The following TIAM2 variants were observed in gnomAD, a reference collection of about 807,000 sequenced individuals.
TIAM2 encodes the protein TIAM Rac1 associated GEF 2, also known as rho guanine nucleotide exchange factor TIAM2.
In TIAM2, 80 loss-of-function variants were observed where a neutral mutation model predicts 152.9. The observed-to-expected ratio is 0.52, with a 90% CI of 0.44 to 0.63. The LOEUF is 0.63. TIAM2 is among the 30% of genes least tolerant of loss of function. The pLI is 0.00. For synonymous variants in TIAM2, 804 were observed against 838.0 expected (o/e 0.96, Z 0.70); for missense variants, 1,965 against 2,120.1 (o/e 0.93, Z 1.44).
chr6:155,168,926 G>T (rs755253977), intron 9 of TIAM2: 1 of 1,525,848 alleles, frequency 6.6e-7, no homozygotes, highest in South Asian at 1.2e-5. Context: ...GGTAAACTTT[G>T]CTATAGATGG....
rs1284467530 is a variant in TIAM2 at position 155,174,347 on chromosome 6, T to C, written c.2362-2469T>C. 1.3e-5 allele frequency among the ~76,000 whole-genome samples: 2 copies of C among 152,070 alleles called. No individual in the cohort carries two copies. The highest frequency in any genetic ancestry group is 1.3e-4 in the Admixed American group (2 of 15,262). On this transcript the variant is annotated intron_variant, in intron 9 of 26. Transcript: ENST00000682666. The surrounding 1 kb of genome is among the most constrained non-coding windows in gnomAD (Gnocchi z 4.2). ...GTGAACTGATGGCACATCAGGAGCT[T>C]GTTTCATTTGGTCTCACGAGATGCA...
intron 15 of TIAM2, among the ~76,000 whole-genome samples, chr6:155,236,664 A>G (rs569246347): frequency 6.6e-6 from 1 of 152,280 alleles, no homozygotes; most frequent in East Asian, 1.9e-4. Context: ...CTCTGTCTCA[A>G]AAAAATAAAA....
chr6:155,183,078 C>A (rs187334543), intron 13 of TIAM2, among the ~76,000 whole-genome samples, 159 bp from the exon 14 acceptor site: 2 of 152,358 alleles, frequency 1.3e-5, no homozygotes, highest in African/African-American at 2.4e-5. Context: ...GGACTACAGG[C>A]ACCTGCCACT....
intron 1 of TIAM2, chr6:155,013,954 C>T (rs1349228048): frequency 1.5e-5 from 1 of 68,172 alleles, no homozygotes; most frequent in Admixed American, 1.2e-4. Flanking sequence ...ACACACACAC[C>T]TGAGATGGGG....
intron 1 of TIAM2, among the ~76,000 whole-genome samples, chr6:155,078,172 G>A (rs1777995970): frequency 6.6e-6 from 1 of 151,988 alleles, no homozygotes; most frequent in South Asian, 2.1e-4. Context: ...AGCCTCCCAA[G>A]TAGCTAGGAC....
At position 155,183,099 on chromosome 6, in the gene TIAM2, G is replaced by A. The variant is rs542653538; in HGVS notation, c.2801-138G>A. The A allele has an allele frequency of 2.5e-4, 278 of 1,098,872 alleles. No individual in the cohort carries two copies. In the African/African-American group the frequency reaches 4.1e-3, roughly 16 times the overall value. 68.1% of individuals were successfully genotyped at this position (1,098,872 alleles called of 1,614,324 possible). A position where few individuals can be genotyped will look rare whatever the true frequency, so the allele number is the denominator to read the frequency against. ...CAGGCACCTGCCACTGTGCCTGGCT[G>A]GCACTTTCTTTGAAGAAAGCAACAA... On this transcript the variant is annotated intron_variant, in intron 13 of 26. Transcript: ENST00000682666.
At chr6:155,029,547 T>C (rs1562295316) in intron 1 of TIAM2, among the ~76,000 whole-genome samples, 1 of 53,370 alleles carries the variant, frequency 1.9e-5, no homozygotes, top group East Asian at 3.1e-4. Flanking sequence ...ATATATATTA[T>C]GTAGTATAAA....
At chr6:155,020,961 A>G (rs1342554522) in intron 1 of TIAM2, among the ~76,000 whole-genome samples, 9 of 152,166 alleles carry the variant, frequency 5.9e-5, no homozygotes, top group African/African-American at 2.4e-5. Flanking sequence ...GGCACCTCAT[A>G]TAAGTGGAAT....
rs140313288 is a variant in TIAM2, at chr6:155,043,495, A to T, written c.-208-46794A>T. Among the ~76,000 whole-genome samples the T allele has an allele frequency of 9.1e-4, 138 of 152,032 alleles. 3 individuals carry two copies. Among genetic ancestry groups the T allele is most frequent in the African/African-American group, 3.0e-3 (126 of 41,466 alleles). ...AGAAACAAAACAAACTTAGCCAGGC[A>T]TGGTGGTGCGTACCTGTAATGCTGT... is the stretch of plus-strand genomic sequence containing the variant. On this transcript the variant is annotated intron_variant, in intron 1 of 26. Transcript: ENST00000682666.
At chr6:155,111,161 A>T (rs957668973) in intron 2 of TIAM2, among the ~76,000 whole-genome samples, 4 of 152,190 alleles carry the variant, frequency 2.6e-5, no homozygotes, top group Non-Finnish European at 5.9e-5. Context: ...CACCCCTGGA[A>T]GGTGGAAAAA....
At chr6:155,085,913 A>G (rs1364184368) in intron 1 of TIAM2, among the ~76,000 whole-genome samples, 2 of 152,222 alleles carry the variant, frequency 1.3e-5, no homozygotes, top group Non-Finnish European at 2.9e-5. Context: ...TATTATAGAT[A>G]TAGTTTACCT....
chr6:155,037,845 T>C (rs1193244148), intron 1 of TIAM2, among the ~76,000 whole-genome samples: 1 of 152,168 alleles, frequency 6.6e-6, no homozygotes, highest in Non-Finnish European at 1.5e-5. Flanking sequence ...AGCTTGTTTC[T>C]GAGTCCTTAC....
At position 155,253,014 on chromosome 6, in the gene TIAM2, C is replaced by G. The variant is rs868699764; in HGVS notation, c.4186C>G (p.Pro1396Ala). The change falls in exon 24 of 27, where the codon CCC (proline) becomes GCC (alanine). Residue 1396 changes from proline (P) to alanine (A), a missense_variant. Coordinates refer to ENST00000682666, the MANE Select transcript of TIAM2 (RefSeq NM_012454.4). ...CCCATTTAAATTCCGCTGGTTGATC[C>G]CCATCTCCGCGCTTCAAGTCAGACT... Reference protein sequence around the residue: ...LDPFKFRWLIPISALQVRLGN... With the variant: ...LDPFKFRWLIAISALQVRLGN... 6.8e-6 allele frequency: 11 copies of G among 1,614,014 alleles called. No individual in the cohort carries two copies. The Admixed American group carries it at 8.3e-5, about 12-fold the overall frequency.
intron 14 of TIAM2, among the ~76,000 whole-genome samples, chr6:155,192,512 T>G (rs1781231641): frequency 1.3e-5 from 2 of 152,204 alleles, no homozygotes; most frequent in South Asian, 4.1e-4. Context: ...CATCTATATC[T>G]ATTGATATTG....
At chr6:155,143,435 G>GT (rs1270836443) in intron 5 of TIAM2, among the ~76,000 whole-genome samples, 9 of 152,120 alleles carry the variant, frequency 5.9e-5, no homozygotes, top group Non-Finnish European at 1.2e-4. Context: ...GGCACATTTA[G>GT]TTTCACTTTT....
chr6:155,031,494 G>C (rs1379266755), intron 1 of TIAM2, among the ~76,000 whole-genome samples: 2 of 152,150 alleles, frequency 1.3e-5, no homozygotes, highest in African/African-American at 4.8e-5. Flanking sequence ...AGGCCAAGGT[G>C]GGCAGATTAC....
rs1199904806 is a variant in TIAM2 at position 155,144,703 on chromosome 6, G to A, written c.1728G>A (p.Gln576=). The part of the protein sequence containing the change: ...CALFAEDSIV[Q]SVPEHPKKEN... Reference sequence around the variant, plus strand: ...TGTTTGCAGAAGACAGCATAGTGCAGTCTGTTCCAGAGCATCCCAAGAAAG... The same window carrying A: ...TGTTTGCAGAAGACAGCATAGTGCAATCTGTTCCAGAGCATCCCAAGAAAG... The change falls in exon 6 of 27, where the codon CAG becomes CAA. Residue 576 remains glutamine, a synonymous_variant. Coordinates refer to ENST00000682666, the MANE Select transcript of TIAM2 (RefSeq NM_012454.4). The A allele has an allele frequency of 1.2e-6, 2 of 1,611,276 alleles. No homozygotes were observed. The highest frequency in any genetic ancestry group is 1.7e-6 in the Non-Finnish European group (2 of 1,179,058).
chr6:155,207,018 A>G (rs1191207856), intron 14 of TIAM2, among the ~76,000 whole-genome samples: 6 of 152,172 alleles, frequency 3.9e-5, no homozygotes, highest in Non-Finnish European at 8.8e-5. Flanking sequence ...CCCCTAAAAC[A>G]TGTTGCACTG....
At chr6:155,084,018 G>A (rs1293802063) in intron 1 of TIAM2, among the ~76,000 whole-genome samples, 1 of 152,164 alleles carries the variant, frequency 6.6e-6, no homozygotes, top group Non-Finnish European at 1.5e-5. Flanking sequence ...GGGGCATAGG[G>A]CTGCCCACCT....
Sources: allele counts gnomAD v4.1 joint callset (sites outside exome capture counted in the v4.1 genomes callset), GRCh38; gene constraint gnomAD v4.1.1; non-coding constraint Gnocchi (gnomAD v3.1); transcripts MANE v1.5; gene names NCBI Gene and HGNC (gene_info 2026-07-23, HGNC 2026-07-21).